Variants in CDH4 observed in about 807,000 individuals in gnomAD.
CDH4 encodes the protein cadherin 4.
Under a neutral mutation model 86.0 loss-of-function variants are expected in CDH4, and 33 were observed. That is an observed-to-expected ratio of 0.38 (90% CI 0.29 to 0.51). CDH4 has a LOEUF of 0.51. CDH4 is among the 20% of genes least tolerant of loss of function. CDH4 has a pLI of 0.86. For synonymous variants in CDH4, 555 were observed against 549.4 expected (o/e 1.01, Z -0.14); for missense variants, 1,114 against 1,307.4 (o/e 0.85, Z 2.28).
chr20:61,538,603 C>T (rs1193225261), intron 2 of CDH4, among the ~76,000 whole-genome samples: 1 of 152,186 alleles, frequency 6.6e-6, no homozygotes, highest in Non-Finnish European at 1.5e-5. Flanking sequence ...GACTCCTTCC[C>T]AGGATCTGGT....
intron 2 of CDH4, among the ~76,000 whole-genome samples, chr20:61,677,429 A>G (rs1006624107): frequency 6.6e-6 from 1 of 152,212 alleles, no homozygotes; most frequent in Non-Finnish European, 1.5e-5. Context: ...GCCTCACAGC[A>G]TGCAGTTCAC....
chr20:61,714,805 A>G lies in CDH4; in HGVS notation c.170-28758A>G, dbSNP rs567617253. Among the ~76,000 whole-genome samples the G allele has an allele frequency of 2.0e-5, 3 of 152,270 alleles. No homozygotes were observed. The East Asian group carries it at 5.8e-4, about 29-fold the overall frequency. On this transcript the variant is annotated intron_variant, in intron 2 of 15. Transcript: ENST00000614565. The stretch of plus-strand genomic sequence containing the variant: ...TATGCTACATTTTCCTTATTTACTC[A>G]TTGGCTGATGGGCACTTGGGTTGGT...
chr20:61,354,370 C>G (rs548300139), intron 2 of CDH4, among the ~76,000 whole-genome samples: 1 of 152,330 alleles, frequency 6.6e-6, no homozygotes, highest in African/African-American at 2.4e-5. Flanking sequence ...AACGTGACCT[C>G]TCTGAACCAC....
At chr20:61,659,833 T>C (rs2087233660) in intron 2 of CDH4, among the ~76,000 whole-genome samples, 1 of 152,096 alleles carries the variant, frequency 6.6e-6, no homozygotes, top group Non-Finnish European at 1.5e-5. Context: ...CTGGGTGAAG[T>C]GGGCGGGCAG....
intron 8 of CDH4, among the ~76,000 whole-genome samples, chr20:61,901,987 G>A (rs2054732241): frequency 6.6e-6 from 1 of 152,208 alleles, no homozygotes; most frequent in African/African-American, 2.4e-5. Context: ...CTAGTTGCCA[G>A]GAAACAGGAT....
chr20:61,600,060 A>G (rs935307105), intron 2 of CDH4: 2 of 630,588 alleles, frequency 3.2e-6, no homozygotes, highest in East Asian at 2.8e-4. Flanking sequence ...ATTTGAACAG[A>G]CTGTCTGACT....
At chr20:61,383,660 TATATATGATATATATGAATGTATATG>T (rs1428912104) in intron 2 of CDH4, among the ~76,000 whole-genome samples, 5 of 81,116 alleles carry the variant, frequency 6.2e-5, no homozygotes, top group Admixed American at 1.3e-4. Context: ...ATGTATATAT[TATATATGATATATATGAATGTATATG>T]ATATATGATA....
intron 2 of CDH4, among the ~76,000 whole-genome samples, chr20:61,411,512 G>A (rs73915022): frequency 0.037 from 5,600 of 151,762 alleles, 307 homozygotes; most frequent in African/African-American, 0.13. Flanking sequence ...GGGTCAAAAC[G>A]GCCCAGCTTC....
In CDH4 at chr20:61,910,614, A is replaced by T. The variant is rs746759852; in HGVS notation, c.1374+7A>T. 4 of 1,610,548 alleles carry T rather than the reference A, an allele frequency of 2.5e-6. No homozygotes were observed. Among genetic ancestry groups the T allele is most frequent in the East Asian group, 2.2e-5 (1 of 44,782 alleles). ...CATGGTCACCGTGGTGAAGGTGCGT[A>T]CTCTTCTCACACCCTGCCAGGCACC... On this transcript the variant is annotated splice_region_variant and intron_variant, in intron 9 of 15. Coordinates refer to ENST00000614565, the MANE Select transcript of CDH4 (RefSeq NM_001794.5).
intron 2 of CDH4, among the ~76,000 whole-genome samples, chr20:61,435,463 G>A (rs559780491): frequency 3.1e-4 from 46 of 150,682 alleles, no homozygotes; most frequent in Non-Finnish European, 5.6e-4. Context: ...GGTCCAGCCC[G>A]GCTGCAGGGT....
At chr20:61,786,687 TTCA>T (rs1375924726) in intron 4 of CDH4, among the ~76,000 whole-genome samples, 3 of 152,238 alleles carry the variant, frequency 2.0e-5, no homozygotes, top group Non-Finnish European at 4.4e-5. Flanking sequence ...ATTTTAGATT[TTCA>T]TCATTAATTG....
At chr20:61,821,543 C>G (rs570775186) in intron 4 of CDH4, among the ~76,000 whole-genome samples, 1 of 152,298 alleles carries the variant, frequency 6.6e-6, no homozygotes, top group South Asian at 2.1e-4. Flanking sequence ...ACGCAGCCCC[C>G]ACCCCAGCCC....
chr20:61,685,966 G>C (rs1252642143), intron 2 of CDH4, among the ~76,000 whole-genome samples: 1 of 152,206 alleles, frequency 6.6e-6, no homozygotes, highest in Non-Finnish European at 1.5e-5. Flanking sequence ...CCCCTCTCCT[G>C]CCTTTCATCA....
At chr20:61,890,928 CCAGCCTA>C (rs1016366029) in intron 7 of CDH4, among the ~76,000 whole-genome samples, 8 of 152,238 alleles carry the variant, frequency 5.3e-5, no homozygotes, top group African/African-American at 1.9e-4. Flanking sequence ...CCAGGAGAGT[CCAGCCTA>C]CAGCAGATGT....
chr20:61,556,192 C>T (rs1272265731), intron 2 of CDH4, among the ~76,000 whole-genome samples: 1 of 152,226 alleles, frequency 6.6e-6, no homozygotes, highest in East Asian at 1.9e-4. Context: ...GTTTTCAAAG[C>T]TTGGATCTGT....
intron 4 of CDH4, among the ~76,000 whole-genome samples, chr20:61,835,912 G>A (rs34211482): frequency 0.41 from 62,835 of 152,086 alleles, 15,962 homozygotes; most frequent in Non-Finnish European, 0.58. Flanking sequence ...AAAGGCTTCA[G>A]CTTGCTGCAC....
chr20:61,900,524 G>T (rs183439032), intron 8 of CDH4, among the ~76,000 whole-genome samples: 17 of 152,274 alleles, frequency 1.1e-4, no homozygotes, highest in African/African-American at 3.9e-4. Flanking sequence ...GGCCAACTCT[G>T]GGTCCACCCT....
rs894157201 is a variant in CDH4 at position 61,928,067 on chromosome 20, G to T, written c.1772-123G>T. 6.4e-6 allele frequency: 5 copies of T among 783,518 alleles called. No homozygotes were observed. The African/African-American group carries it at 6.7e-5, about 11-fold the overall frequency. The allele number at this position is 783,518 out of a possible 1,614,324, so 48.5% of individuals were successfully genotyped here. On this transcript the variant is annotated intron_variant, in intron 11 of 15. Transcript: ENST00000614565. Reference sequence around the variant, plus strand: ...GATGGCCGGCCGTGTCCGGCTGGGGGTCTGCACATGTGTCCCTGTGTATGT... The same window carrying T: ...GATGGCCGGCCGTGTCCGGCTGGGGTTCTGCACATGTGTCCCTGTGTATGT...
At chr20:61,936,675 C>T in intron 15 of CDH4, 62 bp from the exon 16 acceptor site, 3 of 1,370,174 alleles carry the variant, frequency 2.2e-6, no homozygotes, top group Non-Finnish European at 9.7e-7. Flanking sequence ...CTTTCCGTTC[C>T]ATCTGATCCC....
Sources: gnomAD v4.1 joint callset for allele counts (sites outside exome capture counted in the v4.1 genomes callset) on GRCh38, gnomAD v4.1.1 for gene constraint, MANE v1.5 for transcripts, NCBI Gene and HGNC (gene_info 2026-07-23, HGNC 2026-07-21) for gene names.